Variants in EEFSEC observed in about 807,000 individuals in gnomAD.
The protein encoded by EEFSEC is selenocysteine-specific elongation factor.
EEFSEC carries 43 observed loss-of-function variants against 42.1 expected under a neutral mutation model. That is an observed-to-expected ratio of 1.02 (90% CI 0.80 to 1.32). EEFSEC has a LOEUF of 1.32. EEFSEC is among the 40% of genes most tolerant of loss of function. The pLI, the probability that EEFSEC is intolerant of heterozygous loss-of-function variation, is 0.00. For missense variants in EEFSEC, 745 were observed against 803.6 expected (o/e 0.93, Z 0.88); for synonymous variants, 354 against 339.1 (o/e 1.04, Z -0.48).
chr3:128,232,643 A>G lies in EEFSEC; in HGVS notation c.317-14193A>G, dbSNP rs1405119197. On this transcript the variant is annotated intron_variant, in intron 1 of 6. Transcript: ENST00000254730. ...AGCCTAAAGCATGAAATCAAATTAT[A>G]GCTTATGGGCCACAATTATTTTATT... 1.3e-5 allele frequency among the ~76,000 whole-genome samples: 2 copies of G among 152,218 alleles called. 1 individual carries two copies. Among genetic ancestry groups the G allele is most frequent in the Non-Finnish European group, 2.9e-5 (2 of 68,042 alleles).
At position 128,408,512 on chromosome 3, in the gene EEFSEC, A is replaced by G. The variant is rs1393461758; in HGVS notation, c.*253A>G. The G allele has an allele frequency of 2.6e-6, 1 of 387,780 alleles. No individual in the cohort carries two copies. The highest frequency in any genetic ancestry group is 4.6e-6 in the Non-Finnish European group (1 of 218,820). The allele number at this position is 387,780 out of a possible 1,614,324, so 24.0% of individuals were successfully genotyped here. ...CCCCCAGCCCAACTAGGAAAGGGCC[A>G]TGGGCAGAGGGCTGGTAGCCAGTAT... On this transcript the variant is annotated 3_prime_UTR_variant, in exon 7 of 7. Coordinates refer to ENST00000254730, the MANE Select transcript of EEFSEC (RefSeq NM_021937.5).
At chr3:128,267,955 T>C (rs2066372514) in intron 4 of EEFSEC, among the ~76,000 whole-genome samples, 1 of 152,228 alleles carries the variant, frequency 6.6e-6, no homozygotes, top group Non-Finnish European at 1.5e-5. Context: ...AATAAAAAGC[T>C]GTCAGACTTC....
downstream of EEFSEC, among the ~76,000 whole-genome samples, chr3:128,413,230 CAG>C (rs531487517): frequency 1.3e-5 from 2 of 152,152 alleles, no homozygotes; most frequent in South Asian, 4.1e-4. Context: ...GGATTGAAAA[CAG>C]AGAGGTGAAA....
chr3:128,347,361 T>A (rs1461640262), intron 5 of EEFSEC, among the ~76,000 whole-genome samples: 1 of 152,174 alleles, frequency 6.6e-6, no homozygotes, highest in African/African-American at 2.4e-5. Context: ...TCTAAATGGC[T>A]AATCTTTCTG....
At chr3:128,217,463 A>G (rs549618799) in intron 1 of EEFSEC, among the ~76,000 whole-genome samples, 14 of 152,144 alleles carry the variant, frequency 9.2e-5, no homozygotes, top group Non-Finnish European at 2.1e-4. Context: ...AAGACAGGAA[A>G]GACAGGATCC....
At chr3:128,251,736 G>A (rs543715101) in intron 2 of EEFSEC, among the ~76,000 whole-genome samples, 4 of 151,960 alleles carry the variant, frequency 2.6e-5, no homozygotes, top group East Asian at 3.9e-4. Flanking sequence ...TAAGTCTTTG[G>A]CATTTGTTGT....
At position 128,358,234 on chromosome 3, in the gene EEFSEC, T is replaced by G. The variant is rs866879387; in HGVS notation, c.1461T>G (p.Ser487Arg). ...GLVERAMDDY[S>R]VIGRSLFKKE... is the part of the protein sequence containing the mutation. ...GGGGACAGGCGATGGATGACTACAGTGTGATCGGCCGCTCCCTGTTCAAAA... is the reference window on the plus strand; with the variant it reads ...GGGGACAGGCGATGGATGACTACAGGGTGATCGGCCGCTCCCTGTTCAAAA... Residue 487 changes from serine (S) to arginine (R), a missense_variant, in exon 6 of 7, where the codon AGT becomes AGG. Ser to Arg is a moderately radical substitution (Grantham distance 110). Transcript: ENST00000254730. 2 of 1,614,072 alleles carry G rather than the reference T, an allele frequency of 1.2e-6. No homozygotes were observed. The highest frequency in any genetic ancestry group is 1.7e-6 in the Non-Finnish European group (2 of 1,179,974).
intron 1 of EEFSEC, among the ~76,000 whole-genome samples, chr3:128,176,258 C>CT (rs1490055475): frequency 6.6e-6 from 1 of 151,620 alleles, no homozygotes; most frequent in East Asian, 1.9e-4. Flanking sequence ...ATTTTTGTCT[C>CT]TGTTTTTAAA....
chr3:128,342,785 C>A (rs2067270329), intron 5 of EEFSEC, among the ~76,000 whole-genome samples: 1 of 152,212 alleles, frequency 6.6e-6, no homozygotes, highest in Non-Finnish European at 1.5e-5. Flanking sequence ...CTAGGGTGGA[C>A]AGAACACGGT....
chr3:128,249,409 AT>A (rs905492446), intron 2 of EEFSEC, among the ~76,000 whole-genome samples: 54 of 151,660 alleles, frequency 3.6e-4, no homozygotes, highest in African/African-American at 1.2e-3. Flanking sequence ...TTTCTTCCAC[AT>A]TTTTTTTATT....
At chr3:128,203,023 C>T (rs1478716718) in intron 1 of EEFSEC, among the ~76,000 whole-genome samples, 2 of 152,116 alleles carry the variant, frequency 1.3e-5, no homozygotes, top group African/African-American at 4.8e-5. Context: ...CTCAGCCTCA[C>T]CCAATATATT....
At chr3:128,370,895 G>C (rs1016893665) in intron 6 of EEFSEC, among the ~76,000 whole-genome samples, 1 of 152,232 alleles carries the variant, frequency 6.6e-6, no homozygotes, top group Non-Finnish European at 1.5e-5. Context: ...TTGTCTTGAA[G>C]GTGAGGAGAT....
intron 4 of EEFSEC, among the ~76,000 whole-genome samples, chr3:128,285,164 C>T (rs908788264): frequency 6.6e-6 from 1 of 151,946 alleles, no homozygotes; most frequent in African/African-American, 2.4e-5. Context: ...GCCTTGAGCA[C>T]GGGGCAAGAT....
intron 4 of EEFSEC, among the ~76,000 whole-genome samples, chr3:128,304,904 A>G (rs1038685135): frequency 6.6e-6 from 1 of 152,100 alleles, no homozygotes. Context: ...AGGTTTCACC[A>G]TGTTGCCCAA....
chr3:128,218,483 A>G (rs2254379), intron 1 of EEFSEC, among the ~76,000 whole-genome samples: 4 of 152,156 alleles, frequency 2.6e-5, no homozygotes, highest in East Asian at 1.9e-4. Flanking sequence ...CGCAGTGTCC[A>G]TGTCTTAGAG....
chr3:128,234,916 T>C (rs770523438), intron 1 of EEFSEC, among the ~76,000 whole-genome samples: 60 of 152,252 alleles, frequency 3.9e-4, no homozygotes, highest in Non-Finnish European at 6.2e-4. Flanking sequence ...CATTGTAAGC[T>C]CAGTGCCTGT....
At chr3:128,402,787 T>C (rs1246379474) in intron 6 of EEFSEC, among the ~76,000 whole-genome samples, 1 of 152,200 alleles carries the variant, frequency 6.6e-6, no homozygotes, top group African/African-American at 2.4e-5. Flanking sequence ...TTCAGGTTCT[T>C]GGAAAACCAG....
chr3:128,315,069 T>G (rs2066930145), intron 4 of EEFSEC, among the ~76,000 whole-genome samples: 1 of 152,176 alleles, frequency 6.6e-6, no homozygotes, highest in South Asian at 2.1e-4. Flanking sequence ...AAAGAGGCAA[T>G]AGAGTGTGGT....
intron 1 of EEFSEC, among the ~76,000 whole-genome samples, chr3:128,196,926 T>C (rs1424164787): frequency 6.6e-6 from 1 of 152,238 alleles, no homozygotes; most frequent in Non-Finnish European, 1.5e-5. Flanking sequence ...GTCTTGTGGC[T>C]CCTCTAGGGA....
Sources: allele counts gnomAD v4.1 joint callset (sites outside exome capture counted in the v4.1 genomes callset), GRCh38; gene constraint gnomAD v4.1.1; transcripts MANE v1.5; gene names NCBI Gene and HGNC (gene_info 2026-07-23, HGNC 2026-07-21).